Variants in COL23A1 observed in about 807,000 individuals in gnomAD.
The protein encoded by COL23A1 is collagen alpha-1(XXIII) chain.
COL23A1 carries 97 observed loss-of-function variants against 99.3 expected under a neutral mutation model. The ratio of observed to expected loss-of-function variants is 0.98; its 90% CI spans 0.83 to 1.16. The LOEUF is 1.16. COL23A1 is among the 50% of genes most tolerant of loss of function. The pLI, the probability that COL23A1 is intolerant of heterozygous loss-of-function variation, is 0.00. For missense variants in COL23A1, 762 were observed against 757.4 expected (o/e 1.01, Z -0.07); for synonymous variants, 320 against 308.2 (o/e 1.04, Z -0.40).
intron 2 of COL23A1, among the ~76,000 whole-genome samples, chr5:178,356,088 G>C: frequency 6.6e-6 from 1 of 152,208 alleles, no homozygotes; most frequent in South Asian, 2.1e-4. Flanking sequence ...GCTTGAAATG[G>C]TGCTCAGTGA....
chr5:178,534,340 C>A (rs2113244344), intron 2 of COL23A1, among the ~76,000 whole-genome samples: 1 of 152,270 alleles, frequency 6.6e-6, no homozygotes, highest in African/African-American at 2.4e-5. Context: ...ACTTAACCAC[C>A]TTCCAAAGGC....
Position 178,250,088 on chromosome 5 carries a change from G to A in COL23A1, c.1032C>T (p.Pro344=), listed in dbSNP as rs764869808. Residue 344 remains proline, a synonymous_variant, in exon 18 of 29, where the codon CCC becomes CCT. Transcript: ENST00000390654. ...TCTCTCCATCGATTCCTGGGGCACC[G>A]GGCAATCCAAGCTCGCCCTGGAAGG... is the stretch of plus-strand genomic sequence containing the variant. ...IPGAKGELGL[P]GAPGIDGEKG... The A allele has an allele frequency of 2.9e-5, 47 of 1,614,030 alleles. No individual in the cohort carries two copies. The highest frequency in any genetic ancestry group is 1.6e-4 in the Middle Eastern group (1 of 6,080).
intron 2 of COL23A1, among the ~76,000 whole-genome samples, chr5:178,489,628 C>CA (rs1279266905): frequency 6.6e-6 from 1 of 152,038 alleles, no homozygotes; most frequent in Non-Finnish European, 1.5e-5. Flanking sequence ...TGCGGACTGT[C>CA]AAAGATACCC....
chr5:178,259,294 G>A (rs896308521), intron 12 of COL23A1, among the ~76,000 whole-genome samples: 1 of 152,120 alleles, frequency 6.6e-6, no homozygotes, highest in African/African-American at 2.4e-5. Flanking sequence ...AGGCCGGGGA[G>A]GATAATGCTC....
chr5:178,330,202 T>A (rs1293636704), intron 2 of COL23A1, among the ~76,000 whole-genome samples: 1 of 152,222 alleles, frequency 6.6e-6, no homozygotes, highest in African/African-American at 2.4e-5. Flanking sequence ...GCCTAGGGTC[T>A]CCTGCCCATT....
At chr5:178,553,594 G>A (rs1455582215) in intron 2 of COL23A1, among the ~76,000 whole-genome samples, 1 of 152,250 alleles carries the variant, frequency 6.6e-6, no homozygotes. Context: ...ATTCTGGAAT[G>A]TTCCTGACAA....
At chr5:178,320,244 C>T (rs1034829395) in intron 2 of COL23A1, among the ~76,000 whole-genome samples, 12 of 152,240 alleles carry the variant, frequency 7.9e-5, no homozygotes, top group Non-Finnish European at 1.2e-4. Context: ...GGCTCCTGTA[C>T]GCTGGCTCGT....
intron 2 of COL23A1, among the ~76,000 whole-genome samples, chr5:178,517,216 T>A (rs138321713): frequency 1.3e-5 from 2 of 152,340 alleles, no homozygotes; most frequent in African/African-American, 4.8e-5. Context: ...TCTAGAACAG[T>A]GCCTGGCAAA....
intron 2 of COL23A1, among the ~76,000 whole-genome samples, chr5:178,350,275 T>C (rs1247828264): frequency 1.3e-5 from 2 of 152,230 alleles, no homozygotes; most frequent in East Asian, 1.9e-4. Context: ...CGTGCTTCTA[T>C]TTCTCCATTT....
At chr5:178,327,335 C>G (rs372314973) in intron 2 of COL23A1, among the ~76,000 whole-genome samples, 1 of 152,140 alleles carries the variant, frequency 6.6e-6, no homozygotes, top group Non-Finnish European at 1.5e-5. Flanking sequence ...CCCTGGGTGT[C>G]GGGAAACGGG....
At chr5:178,377,742 G>A (rs1763155678) in intron 2 of COL23A1, among the ~76,000 whole-genome samples, 1 of 152,232 alleles carries the variant, frequency 6.6e-6, no homozygotes, top group Non-Finnish European at 1.5e-5. Flanking sequence ...GGCCGAGAGA[G>A]CAGGTGCAGG....
Position 178,358,639 on chromosome 5 carries a change from T to C in COL23A1, c.362-51720A>G, listed in dbSNP as rs1001391290. Among the ~76,000 whole-genome samples, 4 of 138,324 alleles carry C rather than the reference T, an allele frequency of 2.9e-5. No homozygotes were observed. The East Asian group carries it at 7.9e-4, about 27-fold the overall frequency. 90.7% of individuals were successfully genotyped at this position (138,324 alleles called of 152,430 possible). ...TATGTATGTGTGTATGTGTCTAGTG[T>C]GTGTGTGTATGTGTACGTGTGTATG... On this transcript the variant is annotated intron_variant, in intron 2 of 28. Coordinates refer to ENST00000390654, the MANE Select transcript of COL23A1 (RefSeq NM_173465.4).
chr5:178,238,668 A>G lies in COL23A1; in HGVS notation c.*30T>C. Reference sequence around the variant, plus strand: ...ACAAAAATTAAAAATGTCCACACGGATCTGTACAGGTGTGAGCTGGGCCTG... The same window carrying G: ...ACAAAAATTAAAAATGTCCACACGGGTCTGTACAGGTGTGAGCTGGGCCTG... On this transcript the variant is annotated 3_prime_UTR_variant, in exon 29 of 29. Transcript: ENST00000390654. 4 of 1,611,932 alleles carry G rather than the reference A, an allele frequency of 2.5e-6. No individual in the cohort carries two copies. Among genetic ancestry groups the G allele is most frequent in the Non-Finnish European group, 3.4e-6 (4 of 1,179,726 alleles).
chr5:178,347,085 G>GCCTCCC lies in COL23A1; in HGVS notation c.362-40172_362-40167dup, dbSNP rs200870553. 5.3e-3 allele frequency among the ~76,000 whole-genome samples: 801 copies of GCCTCCC among 152,230 alleles called. 5 individuals are homozygous for GCCTCCC. Among genetic ancestry groups the GCCTCCC allele is most frequent in the African/African-American group, 0.018 (766 of 41,558 alleles). ...GGGTCTGGTGGCCCTGCTTGAGGCC[G>GCCTCCC]CCTCCCCCTCCCTCCCTGTCCTCAC... On this transcript the variant is annotated intron_variant, in intron 2 of 28. Transcript: ENST00000390654.
intron 1 of COL23A1, among the ~76,000 whole-genome samples, chr5:178,576,942 C>A (rs1313558395): frequency 6.6e-6 from 1 of 151,760 alleles, no homozygotes; most frequent in East Asian, 2.0e-4. Context: ...CCCGCGGAGA[C>A]GTCTTCCCCG....
chr5:178,343,572 T>C (rs1178170006), intron 2 of COL23A1, among the ~76,000 whole-genome samples: 3 of 151,990 alleles, frequency 2.0e-5, no homozygotes, highest in African/African-American at 7.3e-5. Flanking sequence ...ACAGCTGAAA[T>C]TTCTTGAAGC....
intron 2 of COL23A1, among the ~76,000 whole-genome samples, chr5:178,379,750 G>A (rs997745121): frequency 1.3e-5 from 2 of 152,026 alleles, no homozygotes; most frequent in African/African-American, 2.4e-5. Context: ...GCCTAGTGGT[G>A]CATGCCTGTA....
chr5:178,358,213 ATGTG>A (rs1305575057), intron 2 of COL23A1, among the ~76,000 whole-genome samples: 1 of 99,996 alleles, frequency 1.0e-5, no homozygotes, highest in Non-Finnish European at 2.2e-5. Context: ...GTACGTGTGT[ATGTG>A]TGTCTAATGT....
At chr5:178,474,036 A>C (rs899706089) in intron 2 of COL23A1, among the ~76,000 whole-genome samples, 2 of 152,252 alleles carry the variant, frequency 1.3e-5, no homozygotes, top group Non-Finnish European at 2.9e-5. Flanking sequence ...AGCTGACGTC[A>C]TCAAGAGAAC....
Sources: allele counts gnomAD v4.1 joint callset (sites outside exome capture counted in the v4.1 genomes callset), GRCh38; gene constraint gnomAD v4.1.1; transcripts MANE v1.5; gene names NCBI Gene and HGNC (gene_info 2026-07-23, HGNC 2026-07-21).